The following DOK4 variants were observed in gnomAD, a reference collection of about 807,000 sequenced individuals.
DOK4 encodes docking protein 4, also known as downstream of tyrosine kinase 4.
In DOK4, 26 loss-of-function variants were observed where a neutral mutation model predicts 40.1. The ratio of observed to expected loss-of-function variants is 0.65; its 90% confidence interval spans 0.48 to 0.90. The LOEUF (loss-of-function observed/expected upper bound fraction) is 0.90, where lower values mean the gene tolerates loss of function less well. DOK4 is among the 40% of genes least tolerant of loss of function. DOK4 has a pLI of 0.00. For synonymous variants in DOK4, 179 were observed against 177.0 expected (o/e 1.01, Z -0.09); for missense variants, 392 against 437.2 (o/e 0.90, Z 0.92).
chr16:57,487,021 C>G (rs1200850394), upstream of DOK4: 4 of 152,610 alleles, frequency 2.6e-5, no homozygotes, highest in Non-Finnish European at 4.4e-5. Context: ...TTCTAGGTCC[C>G]CCTGAGACTT....
Position 57,474,820 on chromosome 16 carries a change from G to C in DOK4, c.572C>G (p.Ala191Gly), listed in dbSNP as rs779129229. 4 of 1,614,096 alleles carry C rather than the reference G, an allele frequency of 2.5e-6. No homozygotes were observed. In the Admixed American group the frequency reaches 5.0e-5, roughly 20 times the overall value. ...GCCAGCCTCGAAGGTAAAGCGTGTG[G>C]CATCCCGGCCATAGCGGCGCAGTGA... Residue 191 changes from alanine (A) to glycine (G), a missense_variant, in exon 6 of 9, where the codon GCC (alanine) becomes GGC (glycine). Physicochemically the swap from Ala to Gly is moderately conservative, Grantham distance 60 (BLOSUM62 0). Coordinates refer to ENST00000340099, the Ensembl canonical transcript of DOK4.
chr16:57,476,228 G>A, intron 2 of DOK4: 1 of 469,012 alleles, frequency 2.1e-6, no homozygotes, highest in Non-Finnish European at 3.9e-6. Flanking sequence ...TGTACTGTGT[G>A]CACCGCTGAG....
chr16:57,481,036 T>A (rs1465391193), intron 1 of DOK4, among the ~76,000 whole-genome samples: 1 of 152,128 alleles, frequency 6.6e-6, no homozygotes, highest in Non-Finnish European at 1.5e-5. Context: ...GGCCCCTGTG[T>A]CTTCAGGATC....
chr16:57,486,316 G>A (rs2146677895), exon 1 of DOK4: 1 of 152,380 alleles, frequency 6.6e-6, no homozygotes, highest in Non-Finnish European at 1.5e-5. Context: ...TGGGCGCCGA[G>A]GCCCGGGCCA....
chr16:57,478,579 G>C (rs1432240765), intron 2 of DOK4: 2 of 152,316 alleles, frequency 1.3e-5, no homozygotes, highest in African/African-American at 2.4e-5. Context: ...GAGGAATAGA[G>C]GCAGCTCTCA....
chr16:57,484,678 T>C (rs567008208), intron 1 of DOK4, among the ~76,000 whole-genome samples: 2 of 152,218 alleles, frequency 1.3e-5, no homozygotes, highest in South Asian at 4.1e-4. Flanking sequence ...GCACTAGCTG[T>C]TTCCCACCTA....
At chr16:57,475,193 T>C in exon 5 of DOK4, 1 of 1,613,852 alleles carries the variant, frequency 6.2e-7, no homozygotes, top group South Asian at 1.1e-5. Context: ...ACAGATAGTG[T>C]CTTGTACCAC....
At chr16:57,477,487 G>C (rs1198228833) in intron 2 of DOK4, among the ~76,000 whole-genome samples, 1 of 152,250 alleles carries the variant, frequency 6.6e-6, no homozygotes, top group Non-Finnish European at 1.5e-5. Flanking sequence ...TGAATGAATG[G>C]ATGGATGAAT....
rs117545122 is a variant in DOK4 at position 57,482,867 on chromosome 16, G to A, written c.-181-3179C>T. On this transcript the variant is annotated intron_variant, in intron 1 of 8. Coordinates refer to ENST00000340099, the Ensembl canonical transcript of DOK4. Reference sequence around the variant, plus strand: ...TCTTCAAGAGTTGCTGCCCAGACAGGGCGGTGAAACCACCAGAAGCCAGCC... The same window carrying A: ...TCTTCAAGAGTTGCTGCCCAGACAGAGCGGTGAAACCACCAGAAGCCAGCC... 2.6e-4 allele frequency among the ~76,000 whole-genome samples: 40 copies of A among 152,298 alleles called. No homozygotes were observed. The East Asian group carries it at 7.7e-3, about 29-fold the overall frequency.
rs1313506180 is a variant in DOK4, at chr16:57,479,174, G to A, written c.66+268C>T. Among the ~76,000 whole-genome samples, 2 of 152,356 alleles carry A rather than the reference G, an allele frequency of 1.3e-5. No individual in the cohort carries two copies. The highest frequency in any genetic ancestry group is 2.9e-5 in the Non-Finnish European group (2 of 68,036). On this transcript the variant is annotated intron_variant, in intron 2 of 8. Transcript: ENST00000340099. The surrounding 1 kb of genome is among the most constrained non-coding windows in gnomAD (Gnocchi z 5.8). The stretch of plus-strand genomic sequence containing the variant: ...ATAGCAGGGGAGCCGCCTGCCCATC[G>A]GTGGCCACCATTGCTGCCACTACCA...
intron 2 of DOK4, among the ~76,000 whole-genome samples, chr16:57,477,514 C>T (rs1305746546): frequency 6.6e-6 from 1 of 152,244 alleles, no homozygotes; most frequent in Non-Finnish European, 1.5e-5. Flanking sequence ...ATGCTGCCGA[C>T]CCAGATACAC....
intron 3 of DOK4, 40 bp from the exon 4 acceptor site, chr16:57,475,660 A>ATTC: frequency 2.1e-6 from 1 of 476,186 alleles, no homozygotes; most frequent in Non-Finnish European, 3.4e-6. Flanking sequence ...AGGCCAGTGC[A>ATTC]TCTCTCTCTC....
At chr16:57,475,461 G>T in intron 4 of DOK4, 45 bp downstream of exon 4, 2 of 1,544,738 alleles carry the variant, frequency 1.3e-6, no homozygotes, top group Non-Finnish European at 1.8e-6. Flanking sequence ...CTCTGACCAA[G>T]ACCACCCCAG....
chr16:57,478,363 GC>G (rs1222248685), intron 2 of DOK4, among the ~76,000 whole-genome samples: 2 of 61,448 alleles, frequency 3.3e-5, no homozygotes, highest in South Asian at 3.8e-4. Flanking sequence ...CACTCCGCAT[GC>G]CCCCCAACCC....
At chr16:57,475,468 C>A in intron 4 of DOK4, 38 bp downstream of exon 4, 1 of 1,557,636 alleles carries the variant, frequency 6.4e-7, no homozygotes, top group East Asian at 2.3e-5. Context: ...CAAGACCACC[C>A]CAGGGGAGGC....
At chr16:57,486,017 T>C (rs1452671028) in intron 1 of DOK4, among the ~76,000 whole-genome samples, 1 of 151,622 alleles carries the variant, frequency 6.6e-6, no homozygotes, top group Admixed American at 6.6e-5. Context: ...AGGGCCTGGG[T>C]TGCTCGGATG....
At chr16:57,475,113 C>T (rs955912352) in exon 5 of DOK4, 1 of 1,613,882 alleles carries the variant, frequency 6.2e-7, no homozygotes. Context: ...TCTGTTCACA[C>T]TGCACCCCTG....
rs766254483 is a variant in DOK4, at chr16:57,475,578, T to C, written c.217A>G (p.Lys73Glu). The C allele has an allele frequency of 4.3e-6, 7 of 1,609,256 alleles. No individual in the cohort carries two copies. The Admixed American group carries it at 1.0e-4, about 23-fold the overall frequency. Residue 73 changes from lysine to glutamate, a missense_variant, in exon 4 of 9, where the codon AAG becomes GAG. Physicochemically the swap from Lys to Glu is moderately conservative, Grantham distance 56 (BLOSUM62 1). Coordinates refer to ENST00000340099, the Ensembl canonical transcript of DOK4. The stretch of plus-strand genomic sequence containing the variant: ...GCCACCGCCTGCCGCTTGGTCTCCT[T>C]GGGGAGCCGCGTAACACACTTGACG...
chr16:57,475,693 TCTCC>T lies in DOK4; in HGVS notation c.175-77_175-74del, dbSNP rs1555516317. 56 of 483,622 alleles carry T rather than the reference TCTCC, an allele frequency of 1.2e-4. No individual in the cohort carries two copies. In the African/African-American group the frequency reaches 1.3e-3, roughly 11 times the overall value. 30.0% of individuals were successfully genotyped at this position (483,622 alleles called of 1,614,324 possible). ...CTCTCTCTCTCTCTCTCTCTCTCTC[TCTCC>T]CTCCCTCCCTCTCTCCCCCCTCCTC... On this transcript the variant is annotated intron_variant, in intron 3 of 8. Transcript: ENST00000340099.
Sources: gnomAD v4.1 joint callset for allele counts (sites outside exome capture counted in the v4.1 genomes callset) on GRCh38, gnomAD v4.1.1 for gene constraint, Gnocchi (gnomAD v3.1) non-coding constraint, MANE v1.5 for transcripts, NCBI Gene and HGNC (gene_info 2026-07-23, HGNC 2026-07-21) for gene names.